The following PLEKHG3 variants were observed in gnomAD, a reference collection of about 807,000 sequenced individuals.
PLEKHG3 encodes pleckstrin homology and RhoGEF domain containing G3, also known as pleckstrin homology domain-containing family G member 3.
PLEKHG3 carries 62 observed loss-of-function variants against 94.9 expected under a neutral mutation model. The observed-to-expected ratio is 0.65, with a 90% CI of 0.53 to 0.81. The LOEUF (loss-of-function observed/expected upper bound fraction) is 0.81, where lower values mean the gene tolerates loss of function less well. Ranked by LOEUF, PLEKHG3 falls within the 30% of genes least tolerant of loss-of-function variation. PLEKHG3 has a pLI of 0.00. For synonymous variants in PLEKHG3, 614 were observed against 654.0 expected (o/e 0.94, Z 0.93); for missense variants, 1,461 against 1,619.3 (o/e 0.90, Z 1.68).
At chr14:64,714,906 A>T (rs541316077) in intron 1 of PLEKHG3, among the ~76,000 whole-genome samples, 6 of 152,248 alleles carry the variant, frequency 3.9e-5, no homozygotes, top group South Asian at 2.1e-4. Flanking sequence ...CCTGGGGGGA[A>T]AAAAGCACAA....
rs1310202723 is a variant in PLEKHG3 at position 64,732,975 on chromosome 14, T to C, written c.1345+74T>C. On this transcript the variant is annotated intron_variant, in intron 12 of 16. Coordinates refer to ENST00000247226, the MANE Select transcript of PLEKHG3 (RefSeq NM_001308147.2). The surrounding 1 kb of genome is among the most constrained non-coding windows in gnomAD (Gnocchi z 4.9). ...CCAGACTGGGGACCGTCTGCGGCAG[T>C]GTCCAGGGCTGTGGCTCTCACCTCT... The C allele has an allele frequency of 1.1e-6, 1 of 916,824 alleles. No individual in the cohort carries two copies. The allele number at this position is 916,824 out of a possible 1,614,324, so 56.8% of individuals were successfully genotyped here. A position where few individuals can be genotyped will look rare whatever the true frequency, so the allele number is the denominator to read the frequency against.
At chr14:64,734,046 G>A (rs2081524845) in intron 12 of PLEKHG3, among the ~76,000 whole-genome samples, 1 of 152,200 alleles carries the variant, frequency 6.6e-6, no homozygotes, top group Admixed American at 6.5e-5. Flanking sequence ...TTTGATTGGT[G>A]ATGACCTGTG....
rs1236202605 is a variant in PLEKHG3, at chr14:64,715,927, GTT to G, written c.-40+11226_-40+11227del. On this transcript the variant is annotated intron_variant, in intron 1 of 16. Transcript: ENST00000247226. This position sits in a 1 kb window ranked among gnomAD's most constrained non-coding sequence, Gnocchi z 4.4. Reference sequence around the variant, plus strand: ...TCTGAATAGAACATTTATTGACGAAGTTTTGCAGGAGGCGGCGGGCGCTTTAA... The same window carrying G: ...TCTGAATAGAACATTTATTGACGAAGTTGCAGGAGGCGGCGGGCGCTTTAA... The G allele has an allele frequency of 1.7e-5, 7 of 424,150 alleles. No homozygotes were observed. Among genetic ancestry groups the G allele is most frequent in the Non-Finnish European group, 2.8e-5 (6 of 212,034 alleles). The allele number at this position is 424,150 out of a possible 1,614,324, so 26.3% of individuals were successfully genotyped here. A position where few individuals can be genotyped will look rare whatever the true frequency, so the allele number is the denominator to read the frequency against.
At position 64,715,981 on chromosome 14, in the gene PLEKHG3, C is replaced by G. The variant is rs1381537246; in HGVS notation, c.-40+11277C>G. 1.8e-5 allele frequency: 8 copies of G among 453,224 alleles called. No homozygotes were observed. The East Asian group carries it at 5.6e-4, about 32-fold the overall frequency. 28.1% of individuals were successfully genotyped at this position (453,224 alleles called of 1,614,324 possible). ...TCCCGAGGCTGTTGGTGGCAGCTCG[C>G]TGCTCACCCCAAGCCTGTTAACTGC... On this transcript the variant is annotated intron_variant, in intron 1 of 16. Coordinates refer to ENST00000247226, the MANE Select transcript of PLEKHG3 (RefSeq NM_001308147.2). This position sits in a 1 kb window ranked among gnomAD's most constrained non-coding sequence, Gnocchi z 4.4.
intron 12 of PLEKHG3, among the ~76,000 whole-genome samples, chr14:64,736,379 G>A (rs1257774298): frequency 2.0e-5 from 3 of 152,236 alleles, no homozygotes; most frequent in Admixed American, 2.0e-4. Flanking sequence ...AGTCGGGTGC[G>A]ACCTCTGCTT....
intron 3 of PLEKHG3, 65 bp downstream of exon 3, chr14:64,729,158 G>T: frequency 1.4e-6 from 1 of 709,204 alleles, no homozygotes; most frequent in East Asian, 2.8e-5. Context: ...GCCTAGGGAG[G>T]AACCCTGGAT....
chr14:64,720,756 A>C lies in PLEKHG3; in HGVS notation c.-39-6837A>C, dbSNP rs1173579396. On this transcript the variant is annotated intron_variant, in intron 1 of 16. Transcript: ENST00000247226. This position sits in a 1 kb window ranked among gnomAD's most constrained non-coding sequence, Gnocchi z 4.1. ...GTTGTCTTAAAGTTCTGGAGGTAAG[A>C]AGTCAGACTGGGTTTGCATGGCTGG... 1.3e-5 allele frequency among the ~76,000 whole-genome samples: 2 copies of C among 152,316 alleles called. No individual in the cohort carries two copies. Among genetic ancestry groups the C allele is most frequent in the South Asian group, 4.1e-4 (2 of 4,824 alleles).
chr14:64,739,376 G>T lies in PLEKHG3; in HGVS notation c.1518+521G>T, dbSNP rs1032308464. ...ACACTGAGCAGCTTCTGAGGCGCGG[G>T]GCTGAGATCAGACCTGGGGCTGGGA... On this transcript the variant is annotated intron_variant, in intron 15 of 16. Transcript: ENST00000247226. The surrounding 1 kb of genome is among the most constrained non-coding windows in gnomAD (Gnocchi z 4.1). 6.6e-6 allele frequency among the ~76,000 whole-genome samples: 1 copy of T among 152,190 alleles called. No homozygotes were observed. The highest frequency in any genetic ancestry group is 1.5e-5 in the Non-Finnish European group (1 of 68,032).
At position 64,732,312 on chromosome 14, in the gene PLEKHG3, C is replaced by T; in HGVS notation, c.1213-115C>T. The T allele has an allele frequency of 8.1e-7, 1 of 1,238,686 alleles. No homozygotes were observed. The allele number at this position is 1,238,686 out of a possible 1,614,324, so 76.7% of individuals were successfully genotyped here. Reference sequence around the variant, plus strand: ...CAGTGAGTGTCAGTACAGCAGATGCCCCGGGCCTTGGTGCAGCACTGTGGG... The same window carrying T: ...CAGTGAGTGTCAGTACAGCAGATGCTCCGGGCCTTGGTGCAGCACTGTGGG... On this transcript the variant is annotated intron_variant, in intron 10 of 16. Transcript: ENST00000247226. The surrounding 1 kb of genome is among the most constrained non-coding windows in gnomAD (Gnocchi z 4.9).
In PLEKHG3 at chr14:64,743,058, C is replaced by A. The variant is rs756499287; in HGVS notation, c.3015C>A (p.Ser1005=). ...MAQEHSPPKP[S]SAGEMSPQRF... Reference sequence around the variant, plus strand: ...AGGAGCACAGCCCTCCCAAGCCCTCCTCGGCTGGGGAGATGTCACCACAGC... The same window carrying A: ...AGGAGCACAGCCCTCCCAAGCCCTCATCGGCTGGGGAGATGTCACCACAGC... Residue 1005 remains serine (S), a synonymous_variant, in exon 17 of 17, where the codon TCC becomes TCA. Transcript: ENST00000247226. The surrounding 1 kb of genome is among the most constrained non-coding windows in gnomAD (Gnocchi z 7.2). 5.6e-6 allele frequency: 9 copies of A among 1,613,144 alleles called. No homozygotes were observed. In the South Asian group the frequency reaches 9.9e-5, roughly 18 times the overall value.
At chr14:64,712,864 G>C (rs999411619) in intron 1 of PLEKHG3, among the ~76,000 whole-genome samples, 2 of 152,134 alleles carry the variant, frequency 1.3e-5, no homozygotes, top group African/African-American at 4.8e-5. Context: ...TGGCAAGACT[G>C]GATATCCTTG....
In PLEKHG3 at chr14:64,721,687, T is replaced by C. The variant is rs2081265207; in HGVS notation, c.-39-5906T>C. ...AGCCTTCTCTCGCGCTTTATTACGG[T>C]GCTCAGGGCTGCTGAATCTCCAGGA... On this transcript the variant is annotated intron_variant, in intron 1 of 16. Coordinates refer to ENST00000247226, the MANE Select transcript of PLEKHG3 (RefSeq NM_001308147.2). This position sits in a 1 kb window ranked among gnomAD's most constrained non-coding sequence, Gnocchi z 4.3. 3.3e-5 allele frequency among the ~76,000 whole-genome samples: 5 copies of C among 152,046 alleles called. No homozygotes were observed. The highest frequency in any genetic ancestry group is 7.4e-5 in the Non-Finnish European group (5 of 67,982).
intron 1 of PLEKHG3, among the ~76,000 whole-genome samples, chr14:64,707,845 A>G (rs924839354): frequency 2.6e-5 from 4 of 152,210 alleles, no homozygotes; most frequent in South Asian, 2.1e-4. Context: ...ATGTGGTGCT[A>G]AATTCCTTTG....
chr14:64,725,909 C>G lies in PLEKHG3; in HGVS notation c.-39-1684C>G, dbSNP rs1343723764. 1.3e-5 allele frequency among the ~76,000 whole-genome samples: 2 copies of G among 152,204 alleles called. No individual in the cohort carries two copies. The highest frequency in any genetic ancestry group is 2.9e-5 in the Non-Finnish European group (2 of 68,032). On this transcript the variant is annotated intron_variant, in intron 1 of 16. Coordinates refer to ENST00000247226, the MANE Select transcript of PLEKHG3 (RefSeq NM_001308147.2). The surrounding 1 kb of genome is among the most constrained non-coding windows in gnomAD (Gnocchi z 5.0). ...TTGTTGTTCATTTGTTAAATTGGCC[C>G]TTAAGACCCCTGCTTTTTAGTAACT...
chr14:64,743,134 G>C lies in PLEKHG3; in HGVS notation c.3091G>C (p.Gly1031Arg). Residue 1031 changes from glycine to arginine, a missense_variant, in exon 17 of 17, where the codon GGC (glycine) becomes CGC (arginine). Coordinates refer to ENST00000247226, the MANE Select transcript of PLEKHG3 (RefSeq NM_001308147.2). The surrounding 1 kb of genome is among the most constrained non-coding windows in gnomAD (Gnocchi z 7.2). Reference protein sequence around the residue: ...AVSQRTTSPGGRPSARSPLSP... With the variant: ...AVSQRTTSPGRRPSARSPLSP... ...CAGCCAGAGGACCACCTCGCCTGGG[G>C]GCCGGCCCTCCGCCCGGAGCCCCCT... 6.2e-7 allele frequency: 1 copy of C among 1,611,826 alleles called. No homozygotes were observed. The highest frequency in any genetic ancestry group is 1.1e-5 in the South Asian group (1 of 91,080).
At chr14:64,737,968 A>G in intron 14 of PLEKHG3, 1 of 1,215,386 alleles carries the variant, frequency 8.2e-7, no homozygotes. Context: ...GAGGAAGAGG[A>G]GGAGGTGGTG....
In PLEKHG3 at chr14:64,744,940, AATTTTTTGT is replaced by A; in HGVS notation, c.*1244_*1252del. ...CAGGCATGAGCCACCACACCCAGCT[AATTTTTTGT>A]ATTTTTAGTAGAGACGGGGTTTCGC... On this transcript the variant is annotated 3_prime_UTR_variant, in exon 17 of 17. Coordinates refer to ENST00000247226, the MANE Select transcript of PLEKHG3 (RefSeq NM_001308147.2). 6.6e-6 allele frequency: 1 copy of A among 151,830 alleles called. No homozygotes were observed. Among genetic ancestry groups the A allele is most frequent in the Admixed American group, 6.6e-5 (1 of 15,252 alleles). 9.4% of individuals were successfully genotyped at this position (151,830 alleles called of 1,614,324 possible).
chr14:64,738,415 C>T lies in PLEKHG3; in HGVS notation c.1405-327C>T, dbSNP rs1201745886. Among the ~76,000 whole-genome samples, 3 of 152,164 alleles carry T rather than the reference C, an allele frequency of 2.0e-5. No homozygotes were observed. The highest frequency in any genetic ancestry group is 7.2e-5 in the African/African-American group (3 of 41,440). On this transcript the variant is annotated intron_variant, in intron 14 of 16. Transcript: ENST00000247226. This position sits in a 1 kb window ranked among gnomAD's most constrained non-coding sequence, Gnocchi z 4.8. The stretch of plus-strand genomic sequence containing the variant: ...GCATGCTCTGTTCCAGTACTGGGCA[C>T]TAATCAATATAACGCCCAACAAGCA...
At position 64,731,414 on chromosome 14, in the gene PLEKHG3, G is replaced by A. The variant is rs750846222; in HGVS notation, c.903G>A (p.Gly301=). The change falls in exon 8 of 17, where the codon GGG becomes GGA. Residue 301 remains glycine, a synonymous_variant. Coordinates refer to ENST00000247226, the MANE Select transcript of PLEKHG3 (RefSeq NM_001308147.2). The surrounding 1 kb of genome is among the most constrained non-coding windows in gnomAD (Gnocchi z 6.1). ...AGGGGCCCGACCTGACCACCTACGG[G>A]GAGCTTGTCCTGGAGGGCACATTCC... The part of the protein sequence containing the change: ...NWKGPDLTTY[G]ELVLEGTFRV... The A allele has an allele frequency of 6.2e-7, 1 of 1,614,088 alleles. No homozygotes were observed. The highest frequency in any genetic ancestry group is 8.5e-7 in the Non-Finnish European group (1 of 1,179,974).
Sources: gnomAD v4.1 joint callset for allele counts (sites outside exome capture counted in the v4.1 genomes callset) on GRCh38, gnomAD v4.1.1 for gene constraint, Gnocchi (gnomAD v3.1) non-coding constraint, MANE v1.5 for transcripts, NCBI Gene and HGNC (gene_info 2026-07-23, HGNC 2026-07-21) for gene names.